Variants in HCLS1 observed in about 807,000 individuals in gnomAD.
The protein encoded by HCLS1 is hematopoietic cell-specific Lyn substrate 1.
In HCLS1, 44 loss-of-function variants were observed where a neutral mutation model predicts 68.6. The ratio of observed to expected loss-of-function variants is 0.64; its 90% CI spans 0.50 to 0.82. The LOEUF is 0.82. Ranked by LOEUF, HCLS1 falls within the 40% of genes least tolerant of loss-of-function variation. HCLS1 has a pLI of 0.00. For missense variants in HCLS1, 602 were observed against 612.1 expected (o/e 0.98, Z 0.17); for synonymous variants, 217 against 225.8 (o/e 0.96, Z 0.35).
chr3:121,659,942 C>T (rs1937954768), intron 1 of HCLS1, among the ~76,000 whole-genome samples: 1 of 152,168 alleles, frequency 6.6e-6, no homozygotes, highest in Admixed American at 6.5e-5. Flanking sequence ...GAAATAGAGA[C>T]AATTTATCTA....
chr3:121,633,318 C>A (rs902466433), intron 10 of HCLS1, 147 bp from the exon 11 acceptor site: 11 of 580,630 alleles, frequency 1.9e-5, no homozygotes, highest in African/African-American at 3.8e-5. Flanking sequence ...CAGGTTCAAG[C>A]GATTCTCCTG....
intron 2 of HCLS1, 39 bp from the exon 3 acceptor site, chr3:121,657,391 A>G (rs1937896309): frequency 1.3e-6 from 2 of 1,598,590 alleles, no homozygotes; most frequent in Admixed American, 3.3e-5. Context: ...GACGGCAAGA[A>G]ATGTGCCACA....
chr3:121,645,161 C>G (rs189755159), intron 4 of HCLS1, among the ~76,000 whole-genome samples: 196 of 152,204 alleles, frequency 1.3e-3, no homozygotes, highest in Admixed American at 2.0e-3. Context: ...CTGAACACTC[C>G]CATAGGATGG....
rs563839441 is a variant in HCLS1, at chr3:121,657,368, C to T, written c.85-16G>A. 38 of 1,613,464 alleles carry T rather than the reference C, an allele frequency of 2.4e-5. No individual in the cohort carries two copies. The highest frequency in any genetic ancestry group is 1.3e-4 in the South Asian group (12 of 91,062). On this transcript the variant is annotated splice_polypyrimidine_tract_variant and intron_variant, in intron 2 of 13. Transcript: ENST00000314583. Reference sequence around the variant, plus strand: ...AGATGTCATTCTGCAAACGACAGCACGCAGTAATACATGACGGCAAGAAAT... The same window carrying T: ...AGATGTCATTCTGCAAACGACAGCATGCAGTAATACATGACGGCAAGAAAT...
chr3:121,654,336 A>C (rs1937816306), intron 3 of HCLS1: 1 of 151,924 alleles, frequency 6.6e-6, no homozygotes, highest in Non-Finnish European at 1.5e-5. Flanking sequence ...AAAAATAAAA[A>C]CTGTGTTTGT....
chr3:121,638,588 A>G (rs1486394151), intron 6 of HCLS1, among the ~76,000 whole-genome samples: 1 of 152,174 alleles, frequency 6.6e-6, no homozygotes, highest in East Asian at 1.9e-4. Context: ...TGAGACTTGG[A>G]AACTCCAAGC....
Position 121,632,384 on chromosome 3 carries a change from G to A in HCLS1, c.1188C>T (p.Asp396=), listed in dbSNP as rs2108855271. The part of the protein sequence containing the change: ...RHEQEDEPEG[D]YEEVLEPEDS... ...CTTCAGGCTCGAGCACCTCCTCATA[G>A]TCCCCCTCTGGTTCATCCTCCTGCT... Residue 396 remains aspartate, a synonymous_variant, in exon 12 of 14, where the codon GAC becomes GAT. Coordinates refer to ENST00000314583, the MANE Select transcript of HCLS1 (RefSeq NM_005335.6). 6.2e-7 allele frequency: 1 copy of A among 1,614,008 alleles called. No individual in the cohort carries two copies. Among genetic ancestry groups the A allele is most frequent in the Non-Finnish European group, 8.5e-7 (1 of 1,180,006 alleles).
chr3:121,648,810 C>T (rs146614877), intron 3 of HCLS1, among the ~76,000 whole-genome samples: 54 of 152,240 alleles, frequency 3.5e-4, no homozygotes, highest in Non-Finnish European at 6.6e-4. Context: ...GGAAGAACCC[C>T]CTGTTCCCAT....
chr3:121,659,707 C>G (rs2107483407), intron 1 of HCLS1, among the ~76,000 whole-genome samples: 1 of 152,292 alleles, frequency 6.6e-6, no homozygotes, highest in African/African-American at 2.4e-5. Context: ...AACATCCTTA[C>G]TACCTGCATC....
chr3:121,658,231 GCA>G, intron 2 of HCLS1, 31 bp downstream of exon 2: 2 of 1,542,602 alleles, frequency 1.3e-6, no homozygotes, highest in Non-Finnish European at 1.8e-6. Flanking sequence ...CCCACCCTCT[GCA>G]CTGTCCAAGC....
chr3:121,634,136 G>T, intron 10 of HCLS1, 71 bp downstream of exon 10: 2 of 1,599,522 alleles, frequency 1.3e-6, no homozygotes, highest in South Asian at 2.2e-5. Flanking sequence ...TTCTGCCAAT[G>T]GTTTGGACCC....
chr3:121,643,102 G>T, intron 5 of HCLS1, 121 bp from the exon 6 acceptor site: 1 of 745,580 alleles, frequency 1.3e-6, no homozygotes, highest in Non-Finnish European at 2.4e-6. Flanking sequence ...GCTGAGTATA[G>T]GTGTTTAATG....
chr3:121,639,249 C>A (rs1460032018), intron 6 of HCLS1, among the ~76,000 whole-genome samples: 1 of 152,112 alleles, frequency 6.6e-6, no homozygotes, highest in Non-Finnish European at 1.5e-5. Flanking sequence ...CCCCAAACTA[C>A]AGAATATACT....
intron 6 of HCLS1, among the ~76,000 whole-genome samples, chr3:121,642,520 G>T (rs886954478): frequency 2.6e-5 from 4 of 151,438 alleles, no homozygotes; most frequent in Non-Finnish European, 4.4e-5. Context: ...GCTCATGCCT[G>T]TAATCCCAGC....
Position 121,631,848 on chromosome 3 carries a change from A to G in HCLS1, c.1459T>C (p.Ter487ArgextTer30). 10 of 1,614,042 alleles carry G rather than the reference A, an allele frequency of 6.2e-6. No homozygotes were observed. The highest frequency in any genetic ancestry group is 1.1e-5 in the South Asian group (1 of 91,068). Reference protein sequence around the residue: ...FPANYVKLLE* With the variant: ...FPANYVKLLER Reference sequence around the variant, plus strand: ...TTGCAGTAGACAGTGAGCTCTAGTCACTCCAGAAGCTTGACATAATTTGCA... The same window carrying G: ...TTGCAGTAGACAGTGAGCTCTAGTCGCTCCAGAAGCTTGACATAATTTGCA... Residue 487 changes from the stop codon to arginine, a stop_lost, in exon 14 of 14, where the codon TGA becomes CGA. Coordinates refer to ENST00000314583, the MANE Select transcript of HCLS1 (RefSeq NM_005335.6).
At chr3:121,645,065 G>A (rs1311454940) in intron 4 of HCLS1, 137 bp from the exon 5 acceptor site, 1 of 661,178 alleles carries the variant, frequency 1.5e-6, no homozygotes, top group East Asian at 2.7e-5. Flanking sequence ...GTGGTGCCAA[G>A]GAATACGCGA....
rs952283499 is a variant in HCLS1 at position 121,645,076 on chromosome 3, TG to T, written c.289-149del. On this transcript the variant is annotated intron_variant, in intron 4 of 13. Transcript: ENST00000314583. Reference sequence around the variant, plus strand: ...GACAGTGGTGCCAAGGAATACGCGATGGGAGAGCAAGATGACTTTTTCTGGA... The same window carrying T: ...GACAGTGGTGCCAAGGAATACGCGATGGAGAGCAAGATGACTTTTTCTGGA... The T allele has an allele frequency of 3.6e-5, 23 of 636,130 alleles. No individual in the cohort carries two copies. In the African/African-American group the frequency reaches 4.2e-4, roughly 12 times the overall value. 39.4% of individuals were successfully genotyped at this position (636,130 alleles called of 1,614,324 possible).
chr3:121,644,895 C>T lies in HCLS1; in HGVS notation c.322G>A (p.Glu108Lys), dbSNP rs1166221005. The change falls in exon 5 of 14, where the codon GAG becomes AAG. Residue 108 changes from glutamate to lysine, a missense_variant. Coordinates refer to ENST00000314583, the MANE Select transcript of HCLS1 (RefSeq NM_005335.6). Reference sequence around the variant, plus strand: ...GCATCCGTCTGAGAAGAGTGCTTCTCCACCTCGGCAACATACTCATGGCCC... The same window carrying T: ...GCATCCGTCTGAGAAGAGTGCTTCTTCACCTCGGCAACATACTCATGGCCC... ...AVGHEYVAEV[E>K]KHSSQTDAAK... The T allele has an allele frequency of 3.7e-6, 6 of 1,613,948 alleles. No homozygotes were observed. Among genetic ancestry groups the T allele is most frequent in the African/African-American group, 1.3e-5 (1 of 74,892 alleles).
chr3:121,657,328 G>T lies in HCLS1; in HGVS notation c.109C>A (p.Arg37=). The stretch of plus-strand genomic sequence containing the variant: ...CCCTCGATGGTCTTGGCTCCCCATC[G>T]TTGCTCCTTTTCAGAGATGTCATTC... ...FVNDISEKEQ[R]WGAKTIEGSG... The change falls in exon 3 of 14, where the codon CGA becomes AGA. Residue 37 remains arginine (R), a synonymous_variant. Transcript: ENST00000314583. 6.2e-7 allele frequency: 1 copy of T among 1,613,914 alleles called. No individual in the cohort carries two copies. Among genetic ancestry groups the T allele is most frequent in the Non-Finnish European group, 8.5e-7 (1 of 1,179,938 alleles).
Sources: gnomAD v4.1 joint callset for allele counts (sites outside exome capture counted in the v4.1 genomes callset) on GRCh38, gnomAD v4.1.1 for gene constraint, MANE v1.5 for transcripts, NCBI Gene and HGNC (gene_info 2026-07-23, HGNC 2026-07-21) for gene names.